NTM: variants seen among roughly 807,000 people sequenced by gnomAD.
NTM encodes neurotrimin.
In NTM, 13 loss-of-function variants were observed where a neutral mutation model predicts 42.1. That is an observed-to-expected ratio of 0.31 (90% CI 0.20 to 0.49). NTM has a LOEUF of 0.49. NTM is among the 20% of genes least tolerant of loss of function. The pLI, the probability that NTM is intolerant of heterozygous loss-of-function variation, is 0.99. For missense variants in NTM, 373 were observed against 452.8 expected, an observed-to-expected ratio of 0.82 and a Z score of 1.60; for synonymous variants, 187 against 179.2, an observed-to-expected ratio of 1.04 and a Z score of -0.35.
chr11:132,177,607 G>A (rs2077006952), intron 3 of NTM, among the ~76,000 whole-genome samples: 1 of 152,096 alleles, frequency 6.6e-6, no homozygotes, highest in South Asian at 2.1e-4. Context: ...TTCCTAACAA[G>A]CAACTTCTTG....
intron 4 of NTM, among the ~76,000 whole-genome samples, chr11:132,241,420 A>G (rs558063010): frequency 3.3e-4 from 51 of 152,322 alleles, no homozygotes; most frequent in African/African-American, 1.2e-3. Flanking sequence ...ATGAAATGCT[A>G]TACAATTAAC....
chr11:132,280,809 T>C (rs186289119), intron 4 of NTM, among the ~76,000 whole-genome samples: 1 of 145,980 alleles, frequency 6.9e-6, no homozygotes, highest in African/African-American at 2.6e-5. Context: ...TTATTGTGAA[T>C]TGTAGGGATA....
intron 1 of NTM, among the ~76,000 whole-genome samples, chr11:131,442,907 C>T (rs929421234): frequency 1.3e-5 from 2 of 151,894 alleles, no homozygotes; most frequent in Admixed American, 1.3e-4. Context: ...TGATTCTGTG[C>T]CTTTACTATT....
chr11:131,534,760 T>C (rs2051877372), intron 1 of NTM: 1 of 152,172 alleles, frequency 6.6e-6, no homozygotes, highest in Non-Finnish European at 1.5e-5. Context: ...GCTGAAGTGG[T>C]TGTACTGTGG....
intron 1 of NTM, among the ~76,000 whole-genome samples, chr11:131,737,775 G>A (rs2135548477): frequency 6.6e-6 from 1 of 152,168 alleles, no homozygotes; most frequent in Non-Finnish European, 1.5e-5. Flanking sequence ...GGCAGGATGG[G>A]GGTGGGTAGA....
intron 1 of NTM, among the ~76,000 whole-genome samples, chr11:131,498,620 A>G (rs1163162077): frequency 6.6e-6 from 1 of 152,158 alleles, no homozygotes; most frequent in African/African-American, 2.4e-5. Context: ...TTTCATTAAA[A>G]ATGCTAATTC....
intron 3 of NTM, among the ~76,000 whole-genome samples, chr11:132,174,882 G>T (rs1193999273): frequency 6.6e-6 from 1 of 152,028 alleles, no homozygotes; most frequent in African/African-American, 2.4e-5. Flanking sequence ...TTATTGTCAG[G>T]CAGGAAGAGG....
chr11:132,248,692 G>A (rs751946378), intron 4 of NTM, among the ~76,000 whole-genome samples: 14 of 152,180 alleles, frequency 9.2e-5, no homozygotes, highest in African/African-American at 2.2e-4. Flanking sequence ...GGTCCACCAC[G>A]CATCAGGTCT....
At chr11:131,778,103 T>C (rs1178084297) in intron 1 of NTM, among the ~76,000 whole-genome samples, 1 of 152,162 alleles carries the variant, frequency 6.6e-6, no homozygotes, top group Non-Finnish European at 1.5e-5. Flanking sequence ...ACTCAATACA[T>C]AGGATGAAAA....
intron 1 of NTM, among the ~76,000 whole-genome samples, chr11:131,808,408 C>T (rs1272670743): frequency 1.3e-5 from 2 of 152,288 alleles, no homozygotes; most frequent in African/African-American, 4.8e-5. Flanking sequence ...ATCCTTCCAG[C>T]CACCTTCAGC....
intron 1 of NTM, among the ~76,000 whole-genome samples, chr11:131,404,971 A>G (rs60306874): frequency 2.6e-5 from 4 of 152,202 alleles, no homozygotes; most frequent in African/African-American, 9.6e-5. Flanking sequence ...ATATCTGTCT[A>G]TGGAAGAATG....
Position 132,281,734 on chromosome 11 carries a change from T to A in NTM, c.527-25955T>A, listed in dbSNP as rs567220996. Among the ~76,000 whole-genome samples the A allele has an allele frequency of 9.2e-5, 14 of 152,316 alleles. No homozygotes were observed. In the South Asian group the frequency reaches 2.9e-3, roughly 32 times the overall value. ...GGTCAAGCACAGACATATTCTTCTT[T>A]TAGATTTGGAATAAGGGTTAATTGC... On this transcript the variant is annotated intron_variant, in intron 4 of 8. Coordinates refer to ENST00000683400, the MANE Select transcript of NTM (RefSeq NM_001352005.2).
intron 1 of NTM, among the ~76,000 whole-genome samples, chr11:131,821,782 G>C (rs1286136038): frequency 6.6e-6 from 1 of 152,150 alleles, no homozygotes; most frequent in East Asian, 1.9e-4. Context: ...CCAAATACTA[G>C]GGTTGGAAGA....
At chr11:132,147,203 G>GTA (rs2070687708) in intron 3 of NTM, among the ~76,000 whole-genome samples, 1 of 144,880 alleles carries the variant, frequency 6.9e-6, no homozygotes, top group Non-Finnish European at 1.5e-5. Flanking sequence ...GTGTGTGTGT[G>GTA]TGTGTGTGTG....
At chr11:132,180,222 A>G (rs2077366028) in intron 3 of NTM, among the ~76,000 whole-genome samples, 1 of 152,182 alleles carries the variant, frequency 6.6e-6, no homozygotes, top group South Asian at 2.1e-4. Context: ...AAAGAGAAAA[A>G]GAACATCTTC....
At chr11:132,329,519 T>TG (rs1328698677) in intron 7 of NTM, among the ~76,000 whole-genome samples, 4 of 152,290 alleles carry the variant, frequency 2.6e-5, no homozygotes, top group Non-Finnish European at 5.9e-5. Flanking sequence ...CCCAGAGAGA[T>TG]GAAGCCCTGT....
At chr11:131,713,955 C>T (rs1239174936) in intron 1 of NTM, among the ~76,000 whole-genome samples, 9 of 152,172 alleles carry the variant, frequency 5.9e-5, no homozygotes, top group South Asian at 2.1e-4. Context: ...GTTGGCATTC[C>T]GCACGGGCAG....
intron 1 of NTM, among the ~76,000 whole-genome samples, chr11:131,722,277 G>A: frequency 6.6e-6 from 1 of 152,126 alleles, no homozygotes. Flanking sequence ...CACTTAGATA[G>A]GGGACTATTC....
intron 1 of NTM, among the ~76,000 whole-genome samples, chr11:131,693,218 G>C (rs766506047): frequency 1.3e-5 from 2 of 152,156 alleles, no homozygotes; most frequent in African/African-American, 4.8e-5. Context: ...CTGACTGCGA[G>C]TGGGGCAGAG....
Sources: gnomAD v4.1 joint callset for allele counts (sites outside exome capture counted in the v4.1 genomes callset) on GRCh38, gnomAD v4.1.1 for gene constraint, MANE v1.5 for transcripts, NCBI Gene and HGNC (gene_info 2026-07-23, HGNC 2026-07-21) for gene names.